Variants in THAP10 observed in about 807,000 individuals in gnomAD.
THAP10 encodes the protein THAP domain-containing protein 10.
A neutral mutation model predicts 15.7 loss-of-function variants in THAP10; 10 were observed. The ratio of observed to expected loss-of-function variants is 0.64; its 90% CI spans 0.39 to 1.08. The LOEUF (loss-of-function observed/expected upper bound fraction) is 1.08. Ranked by LOEUF, THAP10 falls within the 50% of genes least tolerant of loss-of-function variation. The pLI, the probability that THAP10 is intolerant of heterozygous loss-of-function variation, is 0.01. For synonymous variants in THAP10, 127 were observed against 129.1 expected (o/e 0.98, Z 0.11); for missense variants, 310 against 330.9 (o/e 0.94, Z 0.49).
In THAP10 at chr15:70,892,381, T is replaced by A; in HGVS notation, c.-109A>T. The A allele has an allele frequency of 6.5e-7, 1 of 1,545,770 alleles. No homozygotes were observed. The highest frequency in any genetic ancestry group is 8.7e-7 in the Non-Finnish European group (1 of 1,146,676). On this transcript the variant is annotated 5_prime_UTR_variant, in exon 1 of 3. Coordinates refer to ENST00000249861, the MANE Select transcript of THAP10 (RefSeq NM_020147.4). ...AGTCCTCCCCTCCTCACCTGTCCAC[T>A]CCGGGTCGGGATTGTTTCCTTCCCT...
intron 1 of THAP10, among the ~76,000 whole-genome samples, chr15:70,884,342 A>G (rs544395067): frequency 6.6e-6 from 1 of 152,084 alleles, no homozygotes; most frequent in African/African-American, 2.4e-5. Context: ...AGATCAGCCT[A>G]GCCAACATCG....
chr15:70,891,750 T>G (rs1002438889), intron 1 of THAP10, 94 bp downstream of exon 1: 2 of 1,182,310 alleles, frequency 1.7e-6, no homozygotes, highest in African/African-American at 3.1e-5. Flanking sequence ...ACAGGAACTT[T>G]CGAGATGAGG....
At chr15:70,886,729 G>T (rs968486646) in intron 1 of THAP10, among the ~76,000 whole-genome samples, 6 of 152,076 alleles carry the variant, frequency 3.9e-5, no homozygotes, top group African/African-American at 1.4e-4. Flanking sequence ...AGCTGGGTGC[G>T]GTGGCAGGCA....
In THAP10 at chr15:70,892,126, G is replaced by A. The variant is rs770564774; in HGVS notation, c.147C>T (p.Asp49=). The A allele has an allele frequency of 6.2e-7, 1 of 1,613,866 alleles. No homozygotes were observed. The highest frequency in any genetic ancestry group is 8.5e-7 in the Non-Finnish European group (1 of 1,179,902). Residue 49 remains aspartate (D), a synonymous_variant, in exon 1 of 3, where the codon GAC becomes GAT. Transcript: ENST00000249861. ...GCRADWYGGN[D]RSVICSDHFA... Reference sequence around the variant, plus strand: ...AGTGGTCAGAGCAGATGACCGAGCGGTCATTGCCTCCGTACCAGTCGGCGC... The same window carrying A: ...AGTGGTCAGAGCAGATGACCGAGCGATCATTGCCTCCGTACCAGTCGGCGC...
At chr15:70,887,354 A>C (rs1364655596) in intron 1 of THAP10, among the ~76,000 whole-genome samples, 1 of 152,196 alleles carries the variant, frequency 6.6e-6, no homozygotes. Flanking sequence ...GCACACAGAT[A>C]CAAAAATCCT....
rs1000875574 is a variant in THAP10 at position 70,881,652 on chromosome 15, A to T, written c.*802T>A. Reference sequence around the variant, plus strand: ...CTAATATTTCCATGCTTATTTCTCAAATGTAGAATTCAAAAGAGAGGTGTT... The same window carrying T: ...CTAATATTTCCATGCTTATTTCTCATATGTAGAATTCAAAAGAGAGGTGTT... On this transcript the variant is annotated 3_prime_UTR_variant, in exon 3 of 3. Coordinates refer to ENST00000249861, the MANE Select transcript of THAP10 (RefSeq NM_020147.4). 6.6e-6 allele frequency: 1 copy of T among 152,170 alleles called. No individual in the cohort carries two copies. The highest frequency in any genetic ancestry group is 1.5e-5 in the Non-Finnish European group (1 of 68,028). 9.4% of individuals were successfully genotyped at this position (152,170 alleles called of 1,614,324 possible).
At chr15:70,885,561 T>A (rs2033384247) in intron 1 of THAP10, among the ~76,000 whole-genome samples, 1 of 152,082 alleles carries the variant, frequency 6.6e-6, no homozygotes, top group Non-Finnish European at 1.5e-5. Context: ...ACAGAAAGAT[T>A]GAAAGTAGAA....
In THAP10 at chr15:70,892,150, G is replaced by A. The variant is rs144868361; in HGVS notation, c.123C>T (p.Arg41=). ...LLWDRFVRGC[R]ADWYGGNDRS... ...GGTCATTGCCTCCGTACCAGTCGGC[G>A]CGGCAACCCCGCACGAAGCGGTCCC... is the stretch of plus-strand genomic sequence containing the variant. Residue 41 remains arginine, a synonymous_variant, in exon 1 of 3, where the codon CGC becomes CGT. Transcript: ENST00000249861. The A allele has an allele frequency of 7.6e-4, 1,220 of 1,613,218 alleles. 4 individuals are homozygous for A. The African/African-American group carries it at 0.015, about 19-fold the overall frequency.
chr15:70,883,192 T>G (rs1003650019), intron 1 of THAP10, among the ~76,000 whole-genome samples: 1 of 151,934 alleles, frequency 6.6e-6, no homozygotes, highest in African/African-American at 2.4e-5. Flanking sequence ...CTAGAAGAGA[T>G]AATACTTTTT....
chr15:70,885,195 A>C (rs1055781250), intron 1 of THAP10, among the ~76,000 whole-genome samples: 10 of 152,184 alleles, frequency 6.6e-5, no homozygotes, highest in Admixed American at 2.0e-4. Context: ...AGTCAAAAGA[A>C]AATATCTAGA....
At chr15:70,885,173 C>T (rs1027225122) in intron 1 of THAP10, among the ~76,000 whole-genome samples, 1 of 152,000 alleles carries the variant, frequency 6.6e-6, no homozygotes, top group African/African-American at 2.4e-5. Context: ...CGTATTAATC[C>T]ACTAGAACAT....
chr15:70,891,567 CTGTGTGTGTGTGTG>C (rs3220843), intron 1 of THAP10, among the ~76,000 whole-genome samples: 6,266 of 137,078 alleles, frequency 0.046, 246 homozygotes, highest in African/African-American at 0.1. Context: ...GGACAAGACT[CTGTGTGTGTGTGTG>C]TGTGTGTGTG....
At position 70,889,368 on chromosome 15, in the gene THAP10, A is replaced by C. The variant is rs1013090014; in HGVS notation, c.429+2476T>G. Reference sequence around the variant, plus strand: ...TTGATTTATATGAAATCCCCCCCCCAAAAAAAAGCAAACTTGGTTACCTTT... The same window carrying C: ...TTGATTTATATGAAATCCCCCCCCCCAAAAAAAGCAAACTTGGTTACCTTT... On this transcript the variant is annotated intron_variant, in intron 1 of 2. Transcript: ENST00000249861. 5.4e-4 allele frequency among the ~76,000 whole-genome samples: 81 copies of C among 150,332 alleles called. 2 individuals carry two copies. Among genetic ancestry groups the C allele is most frequent in the Admixed American group, 3.7e-3 (56 of 15,190 alleles).
At chr15:70,884,747 A>G (rs2033360518) in intron 1 of THAP10, among the ~76,000 whole-genome samples, 1 of 152,184 alleles carries the variant, frequency 6.6e-6, no homozygotes, top group Admixed American at 6.5e-5. Context: ...GATAAAATAG[A>G]GTTTTAGAAA....
intron 1 of THAP10, among the ~76,000 whole-genome samples, chr15:70,889,973 A>G (rs1227839782): frequency 6.6e-6 from 1 of 152,252 alleles, no homozygotes; most frequent in Non-Finnish European, 1.5e-5. Context: ...TGACTATTTT[A>G]GAACTCACAG....
At chr15:70,890,255 T>C (rs2033518065) in intron 1 of THAP10, among the ~76,000 whole-genome samples, 1 of 152,134 alleles carries the variant, frequency 6.6e-6, no homozygotes, top group African/African-American at 2.4e-5. Flanking sequence ...GCTACACACA[T>C]ATATATGTAT....
intron 1 of THAP10, among the ~76,000 whole-genome samples, chr15:70,883,348 C>G (rs538158295): frequency 1.3e-5 from 2 of 151,944 alleles, no homozygotes; most frequent in East Asian, 2.0e-4. Flanking sequence ...GGCGCCACCA[C>G]GCCCAGCTAA....
chr15:70,883,898 C>T (rs1389797251), intron 1 of THAP10, among the ~76,000 whole-genome samples: 1 of 151,364 alleles, frequency 6.6e-6, no homozygotes. Flanking sequence ...TCAAGTGATC[C>T]GCCTGCCTCA....
At chr15:70,890,272 G>C (rs963420042) in intron 1 of THAP10, among the ~76,000 whole-genome samples, 1 of 152,132 alleles carries the variant, frequency 6.6e-6, no homozygotes, top group African/African-American at 2.4e-5. Flanking sequence ...GTATGTGGAT[G>C]TATATGTTTG....
Sources: gnomAD v4.1 joint callset for allele counts (sites outside exome capture counted in the v4.1 genomes callset) on GRCh38, gnomAD v4.1.1 for gene constraint, MANE v1.5 for transcripts, NCBI Gene and HGNC (gene_info 2026-07-23, HGNC 2026-07-21) for gene names.